The following UBR1 variants were observed in gnomAD, a reference collection of about 807,000 sequenced individuals.
UBR1 encodes ubiquitin protein ligase E3 component n-recognin 1.
UBR1 carries 102 observed loss-of-function variants against 242.1 expected under a neutral mutation model. The observed-to-expected ratio is 0.42, with a 90% CI of 0.36 to 0.50. The LOEUF is 0.50. Among genes scored for constraint, UBR1 ranks in the 20% least tolerant of loss-of-function variants. UBR1 has a pLI of 0.01. For synonymous variants in UBR1, 675 were observed against 684.8 expected, an observed-to-expected ratio of 0.99 and a Z score of 0.22; for missense variants, 1,772 against 2,101.8, an observed-to-expected ratio of 0.84 and a Z score of 3.07.
intron 25 of UBR1, among the ~76,000 whole-genome samples, chr15:43,024,377 CT>C (rs2033151350): frequency 6.6e-6 from 1 of 152,182 alleles, no homozygotes; most frequent in Non-Finnish European, 1.5e-5. Context: ...GCTGCTTTCA[CT>C]TTAGCTAATT....
At chr15:42,971,584 C>T (rs1175084708) in intron 39 of UBR1, among the ~76,000 whole-genome samples, 1 of 152,074 alleles carries the variant, frequency 6.6e-6, no homozygotes, top group African/African-American at 2.4e-5. Context: ...TTCAAGTTGC[C>T]CTCAGTAATT....
intron 1 of UBR1, among the ~76,000 whole-genome samples, chr15:43,105,692 T>C (rs1462005460): frequency 6.6e-6 from 1 of 152,200 alleles, no homozygotes; most frequent in East Asian, 1.9e-4. Context: ...TGGTTCTTTC[T>C]ACTTCAGAAT....
intron 12 of UBR1, among the ~76,000 whole-genome samples, chr15:43,050,905 C>T (rs2033547084): frequency 6.6e-6 from 1 of 152,056 alleles, no homozygotes; most frequent in African/African-American, 2.4e-5. Flanking sequence ...ACAATGGCTA[C>T]TATTAAAAAG....
chr15:42,945,392 T>C lies in UBR1; in HGVS notation c.5187A>G (p.Glu1729=). 1.9e-6 allele frequency: 3 copies of C among 1,614,200 alleles called. No homozygotes were observed. Among genetic ancestry groups the C allele is most frequent in the Non-Finnish European group, 1.7e-6 (2 of 1,180,036 alleles). ...HLVWQQHCII[E]EIARSQETNQ... is the part of the protein sequence containing the mutation. ...TAGTCTCTTGGCTCCTAGCAATCTC[T>C]TCTATAATGCAGTGTTGTTGCCAGA... is the stretch of plus-strand genomic sequence containing the variant. The change falls in exon 47 of 47, where the codon GAA becomes GAG. Residue 1729 remains glutamate (E), a synonymous_variant. Coordinates refer to ENST00000290650, the MANE Select transcript of UBR1 (RefSeq NM_174916.3).
intron 1 of UBR1, among the ~76,000 whole-genome samples, chr15:43,096,727 A>G (rs539109436): frequency 6.6e-6 from 1 of 152,350 alleles, no homozygotes; most frequent in Admixed American, 6.5e-5. Context: ...GCTCATCCAG[A>G]AGAAACAATT....
intron 1 of UBR1, among the ~76,000 whole-genome samples, chr15:43,096,852 A>C (rs2034167990): frequency 6.6e-6 from 1 of 152,080 alleles, no homozygotes; most frequent in African/African-American, 2.4e-5. Flanking sequence ...CCTCTACTAA[A>C]GTCTTGAACC....
At chr15:43,003,738 G>A (rs1212947377) in intron 31 of UBR1, 99 bp downstream of exon 31, 5 of 1,062,524 alleles carry the variant, frequency 4.7e-6, no homozygotes, top group South Asian at 3.8e-5. Context: ...CAAATAAGAA[G>A]AAAGGAAAGA....
At chr15:42,964,454 A>G (rs1312653843) in intron 41 of UBR1, among the ~76,000 whole-genome samples, 1 of 152,004 alleles carries the variant, frequency 6.6e-6, no homozygotes, top group Non-Finnish European at 1.5e-5. Flanking sequence ...GGGCAACAAG[A>G]GCGAAACTCC....
At chr15:42,947,086 C>T (rs894055452) in intron 46 of UBR1, among the ~76,000 whole-genome samples, 3 of 151,854 alleles carry the variant, frequency 2.0e-5, no homozygotes, top group Non-Finnish European at 4.4e-5. Flanking sequence ...TGGAGGTAGA[C>T]GTTGCAGTGA....
At chr15:43,077,663 G>A (rs2033923725) in intron 3 of UBR1, among the ~76,000 whole-genome samples, 8 of 131,904 alleles carry the variant, frequency 6.1e-5, no homozygotes, top group African/African-American at 8.7e-5. Context: ...AAAAAAATCT[G>A]AGAAAAAAAA....
chr15:42,974,167 C>T (rs975412786), intron 39 of UBR1, among the ~76,000 whole-genome samples: 50 of 152,262 alleles, frequency 3.3e-4, no homozygotes, highest in African/African-American at 1.2e-3. Flanking sequence ...GGATTACAGG[C>T]GTGAGCCACC....
At chr15:43,036,840 G>A (rs1016791887) in intron 17 of UBR1, among the ~76,000 whole-genome samples, 1 of 151,482 alleles carries the variant, frequency 6.6e-6, no homozygotes, top group Non-Finnish European at 1.5e-5. Context: ...TATAACAAGA[G>A]AATTTATTTT....
At position 43,078,201 on chromosome 15, in the gene UBR1, A is replaced by C. The variant is rs2033930540; in HGVS notation, c.418-3112T>G. Among the ~76,000 whole-genome samples, 3 of 152,226 alleles carry C rather than the reference A, an allele frequency of 2.0e-5. No individual in the cohort carries two copies. The South Asian group carries it at 6.2e-4, about 32-fold the overall frequency. On this transcript the variant is annotated intron_variant, in intron 3 of 46. Transcript: ENST00000290650. ...GAACATGAGTTGGGACTTGATTCACAAAGAAAGTGAGAAGGACAAGAGGTG... is the reference window on the plus strand; with the variant it reads ...GAACATGAGTTGGGACTTGATTCACCAAGAAAGTGAGAAGGACAAGAGGTG...
At chr15:43,004,662 G>C (rs2032778360) in intron 30 of UBR1, among the ~76,000 whole-genome samples, 1 of 152,218 alleles carries the variant, frequency 6.6e-6, no homozygotes, top group Admixed American at 6.5e-5. Flanking sequence ...ATTGCAGACG[G>C]AGTCTCGCTC....
intron 46 of UBR1, among the ~76,000 whole-genome samples, chr15:42,948,542 A>T (rs903829292): frequency 1.8e-4 from 28 of 152,202 alleles, no homozygotes; most frequent in Non-Finnish European, 3.5e-4. Context: ...TCTGACAAAG[A>T]GCTAATATCC....
chr15:42,988,767 T>A, intron 35 of UBR1, 52 bp downstream of exon 35: 1 of 1,609,620 alleles, frequency 6.2e-7, no homozygotes, highest in Admixed American at 1.7e-5. Context: ...GAATGAATGA[T>A]CAAAGTTAAT....
chr15:43,048,792 G>A (rs2033517290), intron 12 of UBR1, among the ~76,000 whole-genome samples: 1 of 152,124 alleles, frequency 6.6e-6, no homozygotes, highest in Non-Finnish European at 1.5e-5. Flanking sequence ...GCTAACTCTG[G>A]ACAACCACAG....
chr15:43,079,029 A>G (rs1390075356), intron 3 of UBR1, among the ~76,000 whole-genome samples: 1 of 152,248 alleles, frequency 6.6e-6, no homozygotes, highest in Non-Finnish European at 1.5e-5. Context: ...ATTGAAGCAA[A>G]GCAGGAATAC....
chr15:43,098,386 T>C (rs755799421), intron 1 of UBR1, among the ~76,000 whole-genome samples: 11 of 152,144 alleles, frequency 7.2e-5, no homozygotes, highest in Non-Finnish European at 1.5e-4. Flanking sequence ...GAGCACACAA[T>C]GTTGAAAAAA....
Sources: gnomAD v4.1 joint callset for allele counts (sites outside exome capture counted in the v4.1 genomes callset) on GRCh38, gnomAD v4.1.1 for gene constraint, MANE v1.5 for transcripts, NCBI Gene and HGNC (gene_info 2026-07-23, HGNC 2026-07-21) for gene names.